POLA1: variants seen among roughly 807,000 people sequenced by gnomAD.
POLA1 encodes DNA polymerase alpha catalytic subunit.
In POLA1, 15 loss-of-function variants were observed where a neutral mutation model predicts 124.0. The ratio of observed to expected loss-of-function variants is 0.12; its 90% CI spans 0.08 to 0.19. POLA1 has a LOEUF of 0.19. POLA1 is among the 10% of genes least tolerant of loss of function. The pLI is 1.00. For missense variants in POLA1, 886 were observed against 1,103.4 expected (o/e 0.80, Z 2.79); for synonymous variants, 408 against 389.4 (o/e 1.05, Z -0.56).
At chrX:24,847,812 GT>G (rs2046496067) in intron 34 of POLA1, among the ~76,000 whole-genome samples, 1 of 112,178 alleles carries the variant, frequency 8.9e-6, no homozygotes, top group Admixed American at 9.5e-5. Flanking sequence ...ATATTTTGCT[GT>G]TTTTTCCTTA....
At chrX:24,823,766 G>A (rs2046128970) in intron 31 of POLA1, among the ~76,000 whole-genome samples, 1 of 112,277 alleles carries the variant, frequency 8.9e-6, no homozygotes, top group East Asian at 2.8e-4. Context: ...TCCAAGAATA[G>A]CCTATATCCT....
intron 32 of POLA1, among the ~76,000 whole-genome samples, chrX:24,831,491 G>A (rs1437481183): frequency 9.0e-6 from 1 of 110,685 alleles, no homozygotes; most frequent in East Asian, 2.8e-4. Context: ...CGCTATCTCG[G>A]CTCACTGCAA....
chrX:24,750,247 C>T (rs1272829249), intron 26 of POLA1, among the ~76,000 whole-genome samples: 2 of 111,929 alleles, frequency 1.8e-5, no homozygotes, highest in South Asian at 3.7e-4. Flanking sequence ...AGTTTGCTGA[C>T]CTCTGCTTTA....
chrX:24,741,454 A>C lies in POLA1; in HGVS notation c.2296A>C (p.Asn766His). The change falls in exon 21 of 37, where the codon AAT becomes CAT. Residue 766 changes from asparagine to histidine, a missense_variant. Asn to His is a moderately conservative substitution (Grantham distance 68). Around this residue, in one of 7 missense-constraint regions of POLA1, gnomAD observed 182 missense variants for 252.8 expected, o/e 0.72. Coordinates refer to ENST00000379068, the MANE Select transcript of POLA1 (RefSeq NM_001330360.2). ...CATTTTGCAGATCATGTGTGAGCTA[A>C]ATGTTCTTCCATTAGCATTGCAGAT... ...KFILQIMCEL[N>H]VLPLALQITN... 1 of 1,202,559 alleles carries C rather than the reference A, an allele frequency of 8.3e-7. No individual in the cohort carries two copies. The highest frequency in any genetic ancestry group is 1.1e-6 in the Non-Finnish European group (1 of 887,182).
chrX:24,932,281 C>T (rs538824025), intron 36 of POLA1, among the ~76,000 whole-genome samples: 2 of 112,357 alleles, frequency 1.8e-5, no homozygotes, highest in African/African-American at 3.2e-5. Context: ...CTTCCCTATA[C>T]GGCTCTAAAA....
chrX:24,732,603 T>G, intron 16 of POLA1, 149 bp downstream of exon 16: 2 of 382,197 alleles, frequency 5.2e-6, no homozygotes, highest in South Asian at 5.5e-5. Context: ...TTTTTTGTTT[T>G]TTTTTTTTTT....
At chrX:24,991,171 T>G (rs185467732) in intron 36 of POLA1, among the ~76,000 whole-genome samples, 1 of 104,190 alleles carries the variant, frequency 9.6e-6, no homozygotes, top group East Asian at 3.1e-4. Flanking sequence ...ATGTGTTTCT[T>G]TTTTTTTTTT....
chrX:24,974,981 A>G (rs2048349060), intron 36 of POLA1, among the ~76,000 whole-genome samples: 1 of 112,137 alleles, frequency 8.9e-6, no homozygotes, highest in East Asian at 2.8e-4. Flanking sequence ...TTTTCTAGAC[A>G]CGAGGAAAAT....
chrX:24,904,836 C>A (rs912008799), intron 35 of POLA1, among the ~76,000 whole-genome samples: 2 of 110,821 alleles, frequency 1.8e-5, no homozygotes, highest in East Asian at 5.7e-4. Flanking sequence ...ACCAGCCTGG[C>A]CAACATGGCA....
chrX:24,822,586 C>T (rs1264137267), intron 31 of POLA1, among the ~76,000 whole-genome samples: 1 of 112,028 alleles, frequency 8.9e-6, no homozygotes, highest in Admixed American at 9.4e-5. Context: ...GATTTAAGTA[C>T]GTGGACAGGA....
intron 34 of POLA1, among the ~76,000 whole-genome samples, chrX:24,870,042 A>G (rs1285900359): frequency 8.9e-6 from 1 of 112,092 alleles, no homozygotes; most frequent in Non-Finnish European, 1.9e-5. Flanking sequence ...TATTATTTTG[A>G]TAGTGATGTT....
chrX:24,717,071 G>GT, intron 8 of POLA1, 100 bp downstream of exon 8: 1 of 587,893 alleles, frequency 1.7e-6, no homozygotes, highest in Middle Eastern at 3.2e-4. Context: ...TGAAGGTGTT[G>GT]TGATGGCAAG....
At chrX:24,735,268 C>A in intron 17 of POLA1, 131 bp from the exon 18 acceptor site, 1 of 417,553 alleles carries the variant, frequency 2.4e-6, no homozygotes. Context: ...AATTTCATTG[C>A]TACATTTAGT....
chrX:24,702,973 A>G (rs1308895707), intron 2 of POLA1, among the ~76,000 whole-genome samples: 5 of 112,296 alleles, frequency 4.5e-5, no homozygotes, highest in African/African-American at 1.3e-4. Flanking sequence ...TTTGTTTTTT[A>G]TGAAATAGAT....
chrX:24,861,122 T>A (rs1682635731), intron 34 of POLA1, among the ~76,000 whole-genome samples: 2 of 112,562 alleles, frequency 1.8e-5, no homozygotes, highest in African/African-American at 6.5e-5. Flanking sequence ...TGTATTTTTT[T>A]ATTTTTGTTT....
intron 14 of POLA1, 135 bp from the exon 15 acceptor site, chrX:24,727,647 T>G (rs1243167284): frequency 2.1e-6 from 1 of 472,035 alleles, no homozygotes. Context: ...TTATTTTTAG[T>G]TAGATGTTAC....
intron 36 of POLA1, among the ~76,000 whole-genome samples, chrX:24,978,698 G>A (rs1218198053): frequency 1.8e-5 from 2 of 111,979 alleles, no homozygotes; most frequent in Non-Finnish European, 3.8e-5. Flanking sequence ...GCAAGTTAAT[G>A]GCAGAGTCAG....
intron 36 of POLA1, among the ~76,000 whole-genome samples, chrX:24,958,690 A>G (rs905418796): frequency 3.6e-5 from 4 of 112,185 alleles, no homozygotes; most frequent in African/African-American, 1.3e-4. Flanking sequence ...ACACACACAT[A>G]TATTCATGAA....
At chrX:24,929,014 T>C (rs1350523510) in intron 35 of POLA1, among the ~76,000 whole-genome samples, 2 of 111,934 alleles carry the variant, frequency 1.8e-5, no homozygotes, top group Non-Finnish European at 1.9e-5. Context: ...TATTTATAGA[T>C]ACCATTTGTA....
Sources: allele counts gnomAD v4.1 joint callset (sites outside exome capture counted in the v4.1 genomes callset), GRCh38; gene constraint gnomAD v4.1.1; regional missense constraint gnomAD v4.1.1; transcripts MANE v1.5; gene names NCBI Gene and HGNC (gene_info 2026-07-23, HGNC 2026-07-21).